The following NLRC5 variants were observed in gnomAD, a reference collection of about 807,000 sequenced individuals.
NLRC5 encodes the protein protein NLRC5.
NLRC5 carries 114 observed loss-of-function variants against 206.9 expected under a neutral mutation model. The ratio of observed to expected loss-of-function variants is 0.55; its 90% CI spans 0.47 to 0.64. The LOEUF (loss-of-function observed/expected upper bound fraction) is 0.64. Ranked by LOEUF, NLRC5 falls within the 30% of genes least tolerant of loss-of-function variation. The pLI is 0.00. For missense variants in NLRC5, 2,008 were observed against 2,305.5 expected (o/e 0.87, Z 2.64); for synonymous variants, 952 against 962.8 (o/e 0.99, Z 0.21).
chr16:56,991,261 C>G (rs1274089602), intron 1 of NLRC5: 1 of 152,072 alleles, frequency 6.6e-6, no homozygotes, highest in African/African-American at 2.4e-5. Context: ...GGATCAGATA[C>G]AGAGCTGTCC....
At chr16:57,033,347 G>C (rs752893050) in intron 11 of NLRC5, among the ~76,000 whole-genome samples, 2 of 152,238 alleles carry the variant, frequency 1.3e-5, no homozygotes, top group Non-Finnish European at 2.9e-5. Context: ...GGAGCCGACT[G>C]CAGTGATTTG....
At position 57,039,778 on chromosome 16, in the gene NLRC5, C is replaced by T. The variant is rs753402459; in HGVS notation, c.2802-3C>T. ...CTTCCTCACCCCTCTTTTGTCTTCACAGCCTGCAGCACAAAACTGTGATCT... is the reference window on the plus strand; with the variant it reads ...CTTCCTCACCCCTCTTTTGTCTTCATAGCCTGCAGCACAAAACTGTGATCT... On this transcript the variant is annotated splice_region_variant and splice_polypyrimidine_tract_variant and intron_variant, in intron 15 of 48. Coordinates refer to ENST00000688547, the MANE Select transcript of NLRC5 (RefSeq NM_001384950.1). 1.9e-6 allele frequency: 3 copies of T among 1,613,926 alleles called. No homozygotes were observed. The African/African-American group carries it at 4.0e-5, about 22-fold the overall frequency.
At chr16:57,041,939 C>A (rs1301002737) in intron 18 of NLRC5, 43 bp from the exon 19 acceptor site, 1 of 1,377,234 alleles carries the variant, frequency 7.3e-7, no homozygotes, top group Non-Finnish European at 9.9e-7. Flanking sequence ...GCAACCCACT[C>A]CCCACCTGCT....
chr16:57,076,685 C>A, intron 39 of NLRC5, 134 bp from the exon 40 acceptor site: 2 of 757,588 alleles, frequency 2.6e-6, no homozygotes, highest in Non-Finnish European at 2.3e-6. Flanking sequence ...CCTGCCATGA[C>A]CCCCAGAAGT....
intron 1 of NLRC5, among the ~76,000 whole-genome samples, chr16:56,999,826 G>T (rs1470539997): frequency 6.6e-6 from 1 of 152,212 alleles, no homozygotes; most frequent in Non-Finnish European, 1.5e-5. Flanking sequence ...ATTTGCTGGA[G>T]AAGCAGAGCC....
rs1337227673 is a variant in NLRC5 at position 57,015,943 on chromosome 16, A to AG, written c.-127-1131_-127-1130insG. Among the ~76,000 whole-genome samples, 138 of 146,738 alleles carry AG rather than the reference A, an allele frequency of 9.4e-4. 1 individual carries two copies. Among genetic ancestry groups the AG allele is most frequent in the African/African-American group, 3.3e-3 (133 of 40,316 alleles). On this transcript the variant is annotated intron_variant, in intron 1 of 48. Coordinates refer to ENST00000688547, the MANE Select transcript of NLRC5 (RefSeq NM_001384950.1). ...TCCATCTCAAAAAAAAAAAAAAAAA[A>AG]AAAAAGAAAGAAAAGAAAAGAAGCA...
intron 27 of NLRC5, among the ~76,000 whole-genome samples, chr16:57,057,384 A>G (rs1258998969): frequency 6.6e-6 from 1 of 152,244 alleles, no homozygotes; most frequent in Non-Finnish European, 1.5e-5. Flanking sequence ...AGATCGTGCC[A>G]TTGCACTCCA....
chr16:57,009,031 G>A (rs1259498487), intron 1 of NLRC5, among the ~76,000 whole-genome samples: 3 of 152,184 alleles, frequency 2.0e-5, no homozygotes, highest in African/African-American at 4.8e-5. Flanking sequence ...GGTGGCTCAC[G>A]CCTGTAATCC....
At chr16:56,999,577 T>G (rs1487094031) in intron 1 of NLRC5, among the ~76,000 whole-genome samples, 3 of 152,228 alleles carry the variant, frequency 2.0e-5, no homozygotes, top group Non-Finnish European at 2.9e-5. Context: ...CAAACCTTGG[T>G]TTTATTTTCA....
rs991674543 is a variant in NLRC5, at chr16:57,058,311, G to A, written c.3830+163G>A. 9.7e-6 allele frequency: 6 copies of A among 621,062 alleles called. No individual in the cohort carries two copies. The South Asian group carries it at 1.1e-4, about 12-fold the overall frequency. The allele number at this position is 621,062 out of a possible 1,614,324, so 38.5% of individuals were successfully genotyped here. On this transcript the variant is annotated intron_variant, in intron 28 of 48. Coordinates refer to ENST00000688547, the MANE Select transcript of NLRC5 (RefSeq NM_001384950.1). ...CCCTTGCCTTCACTCCCCTGGCCTT[G>A]GGTCCTTTCCTCTGTCCCTCACACC...
intron 28 of NLRC5, 100 bp from the exon 29 acceptor site, chr16:57,058,872 C>T: frequency 9.9e-7 from 1 of 1,014,310 alleles, no homozygotes; most frequent in Non-Finnish European, 1.6e-6. Flanking sequence ...GGAGGCTTCT[C>T]TTCTTGGAAA....
intron 19 of NLRC5, 29 bp downstream of exon 19, chr16:57,042,094 AGGCTGGGGCAG>A (rs748906360): frequency 7.1e-7 from 1 of 1,408,540 alleles, no homozygotes; most frequent in Non-Finnish European, 9.5e-7. Context: ...AGAGCCTCTG[AGGCTGGGGCAG>A]GGGGGGAGCA....
At chr16:57,045,861 C>T (rs2063885420) in intron 21 of NLRC5, among the ~76,000 whole-genome samples, 1 of 152,234 alleles carries the variant, frequency 6.6e-6, no homozygotes, top group South Asian at 2.1e-4. Flanking sequence ...ATGTCACTGC[C>T]CTTTCACGCT....
At chr16:56,999,243 T>C (rs1348986809) in intron 1 of NLRC5, among the ~76,000 whole-genome samples, 3 of 152,244 alleles carry the variant, frequency 2.0e-5, no homozygotes, top group African/African-American at 7.2e-5. Flanking sequence ...TTTCAACATG[T>C]GAATTTCAGG....
intron 20 of NLRC5, 76 bp downstream of exon 20, chr16:57,043,680 T>G: frequency 1.7e-6 from 2 of 1,150,670 alleles, no homozygotes; most frequent in Non-Finnish European, 2.6e-6. Context: ...GTGGGCCCCT[T>G]GTCCACCAGT....
At position 56,989,612 on chromosome 16, in the gene NLRC5, C is replaced by A. The variant is rs1305858579; in HGVS notation, c.-133C>A. 6.5e-6 allele frequency: 1 copy of A among 153,402 alleles called. No individual in the cohort carries two copies. Among genetic ancestry groups the A allele is most frequent in the Non-Finnish European group, 1.4e-5 (1 of 69,026 alleles). 9.5% of individuals were successfully genotyped at this position (153,402 alleles called of 1,614,324 possible). On this transcript the variant is annotated 5_prime_UTR_variant, in exon 1 of 49. The change creates a new upstream start codon in the 5' untranslated region. Coordinates refer to ENST00000688547, the MANE Select transcript of NLRC5 (RefSeq NM_001384950.1). ...GCGCTGAGGGTGAGTGCCGGGAGCT[C>A]TGAGGGTGAGTGCCGGGCGTGCCGC... is the stretch of plus-strand genomic sequence containing the variant.
intron 36 of NLRC5, among the ~76,000 whole-genome samples, chr16:57,069,417 C>T (rs955680020): frequency 2.3e-4 from 35 of 151,898 alleles, no homozygotes; most frequent in African/African-American, 7.7e-4. Context: ...AGCAACATAG[C>T]GAGACCACCC....
At position 57,037,207 on chromosome 16, in the gene NLRC5, C is replaced by T. The variant is rs766738472; in HGVS notation, c.2724C>T (p.Asn908=). 1.1e-5 allele frequency: 17 copies of T among 1,613,646 alleles called. No homozygotes were observed. Among genetic ancestry groups the T allele is most frequent in the South Asian group, 6.6e-5 (6 of 91,084 alleles). The part of the protein sequence containing the change: ...HIARKLDLSN[N]GLSVAGVHCV... The stretch of plus-strand genomic sequence containing the variant: ...CTGCTCTCCACAGCCTCAGTAACAA[C>T]GGGCTTTCTGTGGCCGGGGTGCATT... Residue 908 remains asparagine (N), a synonymous_variant, in exon 15 of 49, where the codon AAC becomes AAT. Coordinates refer to ENST00000688547, the MANE Select transcript of NLRC5 (RefSeq NM_001384950.1).
At chr16:57,022,063 C>T (rs1448515386) in intron 3 of NLRC5, among the ~76,000 whole-genome samples, 193 bp from the exon 4 acceptor site, 5 of 152,220 alleles carry the variant, frequency 3.3e-5, no homozygotes, top group African/African-American at 9.6e-5. Context: ...CATATACACA[C>T]ATTTCTGCCC....
Sources: gnomAD v4.1 joint callset for allele counts (sites outside exome capture counted in the v4.1 genomes callset) on GRCh38, gnomAD v4.1.1 for gene constraint, MANE v1.5 for transcripts, NCBI Gene and HGNC (gene_info 2026-07-23, HGNC 2026-07-21) for gene names.